EPN2: variants seen among roughly 807,000 people sequenced by gnomAD.
EPN2 encodes epsin-2.
EPN2 carries 34 observed loss-of-function variants against 61.7 expected under a neutral mutation model. That is an observed-to-expected ratio of 0.55 (90% CI 0.42 to 0.73). The LOEUF (loss-of-function observed/expected upper bound fraction) is 0.73. Among genes scored for constraint, EPN2 ranks in the 30% least tolerant of loss-of-function variants. The pLI is 0.00. For synonymous variants in EPN2, 349 were observed against 353.6 expected (o/e 0.99, Z 0.15); for missense variants, 714 against 839.2 (o/e 0.85, Z 1.84).
chr17:19,253,096 A>G (rs1466941043), intron 1 of EPN2, among the ~76,000 whole-genome samples: 1 of 152,216 alleles, frequency 6.6e-6, no homozygotes, highest in African/African-American at 2.4e-5. Context: ...TCATCACTCC[A>G]AAAGAAAATC....
At chr17:19,303,610 C>T (rs559830560) in intron 4 of EPN2, among the ~76,000 whole-genome samples, 2 of 152,246 alleles carry the variant, frequency 1.3e-5, no homozygotes, top group Admixed American at 6.5e-5. Context: ...TATGACGTCA[C>T]CTGACAGGCA....
At chr17:19,269,546 T>C (rs965790302) in intron 1 of EPN2, among the ~76,000 whole-genome samples, 1 of 152,248 alleles carries the variant, frequency 6.6e-6, no homozygotes, top group Admixed American at 6.5e-5. Flanking sequence ...GGAATAGTTT[T>C]AGAGTCTCTG....
Position 19,309,888 on chromosome 17 carries a change from C to T in EPN2, c.770C>T (p.Thr257Ile), listed in dbSNP as rs764894719. The change falls in exon 5 of 11, where the codon ACC (threonine) becomes ATC (isoleucine). Residue 257 changes from threonine to isoleucine, a missense_variant. Physicochemically the swap from Thr to Ile is moderately conservative, Grantham distance 89. Transcript: ENST00000314728. The stretch of plus-strand genomic sequence containing the variant: ...ATGACTTGGTCTTCCCCAACAGCCA[C>T]CTCCCCGCGAGTGTCCTCCGAGCTG... ...CLTCDRAARATSPRVSSELEQ... is the reference protein window; with the variant it reads ...CLTCDRAARAISPRVSSELEQ... 10 of 1,606,018 alleles carry T rather than the reference C, an allele frequency of 6.2e-6. No individual in the cohort carries two copies. The South Asian group carries it at 1.1e-4, about 18-fold the overall frequency.
At position 19,285,288 on chromosome 17, in the gene EPN2, T is replaced by C. The variant is rs2045393463; in HGVS notation, c.596-332T>C. 6.6e-6 allele frequency among the ~76,000 whole-genome samples: 1 copy of C among 152,262 alleles called. No individual in the cohort carries two copies. On this transcript the variant is annotated intron_variant, in intron 3 of 10. Transcript: ENST00000314728. This position sits in a 1 kb window ranked among gnomAD's most constrained non-coding sequence, Gnocchi z 4.5. The stretch of plus-strand genomic sequence containing the variant: ...GTTCCATGAACAATTTGTGGAACTT[T>C]GCAGATGCAGGGGTTGGAACAGTGG...
chr17:19,312,676 T>C (rs1265887395), intron 6 of EPN2, among the ~76,000 whole-genome samples: 1 of 152,174 alleles, frequency 6.6e-6, no homozygotes, highest in East Asian at 1.9e-4. Flanking sequence ...CCCTGGCTCC[T>C]GACTGGTTGA....
chr17:19,298,626 C>G (rs1388860712), intron 4 of EPN2, among the ~76,000 whole-genome samples: 1 of 152,220 alleles, frequency 6.6e-6, no homozygotes, highest in Non-Finnish European at 1.5e-5. Flanking sequence ...ATCTCAGCCT[C>G]TTGAGTAGCT....
At chr17:19,295,442 G>A (rs2045510478) in intron 4 of EPN2, among the ~76,000 whole-genome samples, 1 of 151,978 alleles carries the variant, frequency 6.6e-6, no homozygotes, top group Non-Finnish European at 1.5e-5. Context: ...TGAGGCAGGA[G>A]AATCACTTTA....
intron 1 of EPN2, among the ~76,000 whole-genome samples, chr17:19,238,718 A>G (rs2044846775): frequency 6.6e-6 from 1 of 152,120 alleles, no homozygotes; most frequent in South Asian, 2.1e-4. Flanking sequence ...TTTTAGGGAG[A>G]TGTTCAGGAC....
intron 8 of EPN2, 176 bp downstream of exon 8, chr17:19,329,063 A>AGTGC: frequency 1.7e-6 from 1 of 576,252 alleles, no homozygotes; most frequent in South Asian, 2.6e-5. Context: ...AGAGTGAGTG[A>AGTGC]GTGCGAGTTC....
At chr17:19,295,994 A>G (rs140682379) in intron 4 of EPN2, among the ~76,000 whole-genome samples, 116 of 152,212 alleles carry the variant, frequency 7.6e-4, no homozygotes, top group African/African-American at 2.5e-3. Flanking sequence ...TTGGAAATTG[A>G]TATTACACAT....
intron 1 of EPN2, among the ~76,000 whole-genome samples, chr17:19,239,016 T>C (rs143981043): frequency 1.2e-4 from 18 of 152,376 alleles, no homozygotes; most frequent in Non-Finnish European, 2.1e-4. Flanking sequence ...TGAGTTAGCA[T>C]TGATAATTAA....
rs780869529 is a variant in EPN2, at chr17:19,328,753, C to A, written c.1190C>A (p.Thr397Asn). ...AASIDPWGVP[T>N]GATVQSVPKN... is the part of the protein sequence containing the mutation. ...TCCATTGACCCATGGGGGGTGCCCA[C>A]TGGAGCCACCGTACAATCTGTCCCC... The change falls in exon 8 of 11, where the codon ACT (threonine) becomes AAT (asparagine). Residue 397 changes from threonine to asparagine, a missense_variant. Coordinates refer to ENST00000314728, the MANE Select transcript of EPN2 (RefSeq NM_014964.5). 6.2e-7 allele frequency: 1 copy of A among 1,613,312 alleles called. No homozygotes were observed. Among genetic ancestry groups the A allele is most frequent in the Non-Finnish European group, 8.5e-7 (1 of 1,179,514 alleles).
At chr17:19,305,117 G>GT (rs1222270324) in intron 4 of EPN2, among the ~76,000 whole-genome samples, 91 of 145,508 alleles carry the variant, frequency 6.3e-4, no homozygotes, top group South Asian at 4.1e-3. Flanking sequence ...ATATACTTTG[G>GT]TTTTTTTTTT....
chr17:19,329,679 C>G (rs1907068339), intron 9 of EPN2, 32 bp downstream of exon 9: 1 of 1,305,750 alleles, frequency 7.7e-7, no homozygotes, highest in African/African-American at 1.5e-5. Context: ...TTCCATAATC[C>G]TCCGTGCATT....
intron 4 of EPN2, among the ~76,000 whole-genome samples, chr17:19,308,892 C>T (rs914160252): frequency 6.6e-6 from 1 of 152,176 alleles, no homozygotes; most frequent in Non-Finnish European, 1.5e-5. Flanking sequence ...TTAAGACTCC[C>T]GTGGGGTTTG....
intron 7 of EPN2, 81 bp downstream of exon 7, chr17:19,313,360 C>A: frequency 7.4e-7 from 1 of 1,356,924 alleles, no homozygotes; most frequent in East Asian, 2.7e-5. Flanking sequence ...TGTCTCTCAC[C>A]CACTTGGGTC....
chr17:19,277,138 C>T (rs1483160911), intron 1 of EPN2, among the ~76,000 whole-genome samples: 2 of 152,126 alleles, frequency 1.3e-5, no homozygotes, highest in African/African-American at 4.8e-5. Flanking sequence ...CGGTGGCTCA[C>T]GCCTGTCATC....
At chr17:19,302,231 T>C (rs1409628305) in intron 4 of EPN2, among the ~76,000 whole-genome samples, 11 of 152,328 alleles carry the variant, frequency 7.2e-5, no homozygotes, top group Admixed American at 5.9e-4. Flanking sequence ...GCACAGGCAG[T>C]GGGTGATTTT....
intron 1 of EPN2, among the ~76,000 whole-genome samples, chr17:19,246,310 T>A (rs2044947836): frequency 6.6e-6 from 1 of 152,142 alleles, no homozygotes; most frequent in African/African-American, 2.4e-5. Flanking sequence ...TGAGCTGAGA[T>A]CATGCCACTG....
Sources: gnomAD v4.1 joint callset for allele counts (sites outside exome capture counted in the v4.1 genomes callset) on GRCh38, gnomAD v4.1.1 for gene constraint, Gnocchi (gnomAD v3.1) non-coding constraint, MANE v1.5 for transcripts, NCBI Gene and HGNC (gene_info 2026-07-23, HGNC 2026-07-21) for gene names.